The following ITGB3 variants were observed in gnomAD, a reference collection of about 807,000 sequenced individuals.
The protein encoded by ITGB3 is integrin beta-3.
In ITGB3, 48 loss-of-function variants were observed where a neutral mutation model predicts 85.8. That is an observed-to-expected ratio of 0.56 (90% CI 0.44 to 0.71). The LOEUF is 0.71. ITGB3 is among the 30% of genes least tolerant of loss of function. The pLI, the probability that ITGB3 is intolerant of heterozygous loss-of-function variation, is 0.00. For synonymous variants in ITGB3, 363 were observed against 395.6 expected, an observed-to-expected ratio of 0.92 and a Z score of 0.98; for missense variants, 861 against 1,019.1, an observed-to-expected ratio of 0.84 and a Z score of 2.11.
chr17:47,294,367 T>C (rs2065138225), intron 10 of ITGB3, among the ~76,000 whole-genome samples: 1 of 152,234 alleles, frequency 6.6e-6, no homozygotes, highest in Non-Finnish European at 1.5e-5. Context: ...GCACCCCCAG[T>C]CCTCCTCCAT....
rs1205019601 is a variant in ITGB3 at position 47,307,483 on chromosome 17, G to A, written c.2147G>A (p.Gly716Asp). Residue 716 changes from glycine to aspartate, a missense_variant, in exon 14 of 15, where the codon GGC becomes GAC. Transcript: ENST00000559488. ...TTCTTCCTCACAGAGTGTCCCAAGG[G>A]CCCTGACATCCTGGTGGTCCTGCTC... ...YVVEEPECPK[G>D]PDILVVLLSV... 4 of 1,613,996 alleles carry A rather than the reference G, an allele frequency of 2.5e-6. No individual in the cohort carries two copies. In the East Asian group the frequency reaches 6.7e-5, roughly 27 times the overall value.
intron 6 of ITGB3, 112 bp from the exon 7 acceptor site, chr17:47,289,569 G>A: frequency 2.6e-6 from 2 of 780,792 alleles, no homozygotes; most frequent in South Asian, 3.0e-5. Flanking sequence ...AAGTGAAATG[G>A]TTTAAGCACC....
At chr17:47,300,433 G>A (rs1186736360) in intron 11 of ITGB3, 45 bp from the exon 12 acceptor site, 1 of 1,430,452 alleles carries the variant, frequency 7.0e-7, no homozygotes. Flanking sequence ...ATACGCTTAG[G>A]CTTGCTCCTT....
chr17:47,285,689 G>C (rs1206861087), intron 4 of ITGB3, among the ~76,000 whole-genome samples: 1 of 152,176 alleles, frequency 6.6e-6, no homozygotes, highest in Non-Finnish European at 1.5e-5. Flanking sequence ...AGGTTCCCAG[G>C]CAAGACATCA....
At chr17:47,264,130 G>A (rs1181361301) in intron 1 of ITGB3, among the ~76,000 whole-genome samples, 1 of 152,208 alleles carries the variant, frequency 6.6e-6, no homozygotes, top group Non-Finnish European at 1.5e-5. Context: ...GGTCAAGGCA[G>A]CAGAGCCCTG....
In ITGB3 at chr17:47,257,350, A is replaced by C. The variant is rs116604828; in HGVS notation, c.79+3410A>C. On this transcript the variant is annotated intron_variant, in intron 1 of 14. Transcript: ENST00000559488. ...CTAACCCGGCAAGAATCCACAGAAG[A>C]AGCCAAGAAGGAAAAAGGCTTATAC... Among the ~76,000 whole-genome samples, 1,360 of 152,328 alleles carry C rather than the reference A, an allele frequency of 8.9e-3. 18 individuals carry two copies. The highest frequency in any genetic ancestry group is 0.032 in the African/African-American group (1,313 of 41,562).
intron 1 of ITGB3, among the ~76,000 whole-genome samples, chr17:47,272,482 C>T (rs1229559540): frequency 1.3e-5 from 2 of 151,820 alleles, no homozygotes; most frequent in Admixed American, 6.6e-5. Context: ...TTATGGTTTT[C>T]AATAGGTCAA....
intron 14 of ITGB3, among the ~76,000 whole-genome samples, chr17:47,309,773 T>C (rs8075031): frequency 0.028 from 4,243 of 151,716 alleles, 207 homozygotes; most frequent in African/African-American, 0.096. Context: ...TGTGTGCCTG[T>C]AGTCCCAGCT....
intron 1 of ITGB3, among the ~76,000 whole-genome samples, chr17:47,273,392 A>C (rs115976890): frequency 0.016 from 2,416 of 152,296 alleles, 87 homozygotes; most frequent in African/African-American, 0.053. Context: ...AAACCTCCTT[A>C]AGGCACTGCA....
chr17:47,290,927 T>A, intron 8 of ITGB3, 27 bp from the exon 9 acceptor site: 1 of 1,613,906 alleles, frequency 6.2e-7, no homozygotes. Context: ...TTCAATTTCT[T>A]GTCTTCTTGT....
chr17:47,289,512 A>T (rs891047124), intron 6 of ITGB3, among the ~76,000 whole-genome samples, 169 bp from the exon 7 acceptor site: 1 of 152,040 alleles, frequency 6.6e-6, no homozygotes, highest in Non-Finnish European at 1.5e-5. Context: ...TTTTGTAGAG[A>T]TGGGGTCTTG....
intron 9 of ITGB3, among the ~76,000 whole-genome samples, chr17:47,291,685 A>G (rs1193860113): frequency 1.3e-5 from 2 of 152,200 alleles, no homozygotes; most frequent in Non-Finnish European, 2.9e-5. Flanking sequence ...AACATGCTTT[A>G]TTGCATAAGC....
At chr17:47,266,355 C>T (rs143821131) in intron 1 of ITGB3, among the ~76,000 whole-genome samples, 196 of 152,318 alleles carry the variant, frequency 1.3e-3, no homozygotes, top group African/African-American at 4.5e-3. Context: ...TACAGTCCAG[C>T]ATCCTGTCTC....
At chr17:47,285,237 G>GGA (rs926882150) in intron 4 of ITGB3, among the ~76,000 whole-genome samples, 2 of 152,186 alleles carry the variant, frequency 1.3e-5, no homozygotes, top group African/African-American at 4.8e-5. Flanking sequence ...TTTAATCGGT[G>GGA]GAGACTGTGC....
At chr17:47,282,513 G>A (rs776148433) in intron 2 of ITGB3, among the ~76,000 whole-genome samples, 1 of 152,202 alleles carries the variant, frequency 6.6e-6, no homozygotes, top group Non-Finnish European at 1.5e-5. Context: ...TAGGCTTGGA[G>A]GAATTAGGTG....
At chr17:47,273,122 T>C (rs912089300) in intron 1 of ITGB3, among the ~76,000 whole-genome samples, 2 of 152,230 alleles carry the variant, frequency 1.3e-5, no homozygotes, top group Non-Finnish European at 2.9e-5. Context: ...CCTCATTTTC[T>C]GAGTGTGTTT....
At chr17:47,300,357 G>C (rs953795772) in intron 11 of ITGB3, 121 bp from the exon 12 acceptor site, 1 of 745,796 alleles carries the variant, frequency 1.3e-6, no homozygotes, top group African/African-American at 1.7e-5. Context: ...GTGTGTGTGT[G>C]TGTGTGTGTG....
chr17:47,254,016 C>A (rs776780848), intron 1 of ITGB3, 76 bp downstream of exon 1: 81 of 973,602 alleles, frequency 8.3e-5, no homozygotes, highest in Non-Finnish European at 9.6e-5. Context: ...GACTTGGAGC[C>A]GGCAAACGCG....
chr17:47,261,377 C>G (rs1457787798), intron 1 of ITGB3, among the ~76,000 whole-genome samples: 1 of 152,116 alleles, frequency 6.6e-6, no homozygotes, highest in African/African-American at 2.4e-5. Flanking sequence ...AGTACCAGTA[C>G]CAGTTCCTTG....
Sources: allele counts gnomAD v4.1 joint callset (sites outside exome capture counted in the v4.1 genomes callset), GRCh38; gene constraint gnomAD v4.1.1; transcripts MANE v1.5; gene names NCBI Gene and HGNC (gene_info 2026-07-23, HGNC 2026-07-21).